Variants in SEC16B observed in about 807,000 individuals in gnomAD.
SEC16B encodes SEC16 homolog B, endoplasmic reticulum export factor, also known as protein transport protein Sec16B.
Under a neutral mutation model 141.8 loss-of-function variants are expected in SEC16B, and 115 were observed. The observed-to-expected ratio is 0.81, with a 90% CI of 0.70 to 0.95. SEC16B has a LOEUF of 0.95. Among genes scored for constraint, SEC16B ranks in the 40% least tolerant of loss-of-function variants. The pLI is 0.00. For missense variants in SEC16B, 1,291 were observed against 1,312.3 expected (o/e 0.98, Z 0.25); for synonymous variants, 493 against 492.5 (o/e 1.00, Z -0.01).
chr1:177,968,027 T>A lies in SEC16B; in HGVS notation c.-46A>T, dbSNP rs1471235843. ...CCTGGGTTTTGAGTAAGTTGTGCAGTTATTTTATCTTCCTGCAGACAAAAG... is the reference window on the plus strand; with the variant it reads ...CCTGGGTTTTGAGTAAGTTGTGCAGATATTTTATCTTCCTGCAGACAAAAG... On this transcript the variant is annotated 5_prime_UTR_variant, in exon 2 of 26. Coordinates refer to ENST00000308284, the MANE Select transcript of SEC16B (RefSeq NM_033127.4). 6.6e-7 allele frequency: 1 copy of A among 1,514,006 alleles called. No homozygotes were observed. The highest frequency in any genetic ancestry group is 1.3e-5 in the South Asian group (1 of 77,202). The allele number at this position is 1,514,006 out of a possible 1,614,324, so 93.8% of individuals were successfully genotyped here.
upstream of SEC16B, among the ~76,000 whole-genome samples, chr1:177,972,654 C>T (rs1180508677): frequency 1.3e-5 from 2 of 152,190 alleles, no homozygotes; most frequent in Middle Eastern, 3.2e-3. Context: ...CTTTCCCAGT[C>T]TCCATCCTCC....
At chr1:177,957,663 A>G (rs1652712564) in intron 10 of SEC16B, among the ~76,000 whole-genome samples, 1 of 152,178 alleles carries the variant, frequency 6.6e-6, no homozygotes, top group African/African-American at 2.4e-5. Context: ...GTTACAAACA[A>G]CCCAATTATA....
intron 24 of SEC16B, 64 bp downstream of exon 24, chr1:177,932,426 G>C: frequency 8.0e-7 from 1 of 1,250,472 alleles, no homozygotes; most frequent in Non-Finnish European, 1.1e-6. Context: ...CCACACTGAA[G>C]GTTCAGTCCT....
chr1:177,937,839 C>T (rs1650974510), intron 18 of SEC16B, among the ~76,000 whole-genome samples: 1 of 152,152 alleles, frequency 6.6e-6, no homozygotes, highest in Admixed American at 6.5e-5. Context: ...CCAGCCATGA[C>T]AGGATGGGAG....
Position 177,933,304 on chromosome 1 carries a change from C to A in SEC16B, c.2733G>T (p.Gly911=), listed in dbSNP as rs776995753. The A allele has an allele frequency of 3.1e-6, 5 of 1,601,048 alleles. No individual in the cohort carries two copies. Among genetic ancestry groups the A allele is most frequent in the Non-Finnish European group, 3.4e-6 (4 of 1,173,596 alleles). ...GDGKEHTKSS[G]FGWFSWFRSK... The stretch of plus-strand genomic sequence containing the variant: ...ATCGAAACCAGCTGAACCAGCCAAA[C>A]CCTGAGCTCTGGAAGGGGAAGAGGA... Residue 911 remains glycine (G), a synonymous_variant, in exon 22 of 26, where the codon GGG becomes GGT. Coordinates refer to ENST00000308284, the MANE Select transcript of SEC16B (RefSeq NM_033127.4).
Position 177,937,529 on chromosome 1 carries a change from A to G in SEC16B, c.2204-16T>C. Reference sequence around the variant, plus strand: ...AAAGTGTTTTCTAAGGACGTGGAACAAAGGTAAAGAAGTCAGACCTGAAAT... The same window carrying G: ...AAAGTGTTTTCTAAGGACGTGGAACGAAGGTAAAGAAGTCAGACCTGAAAT... On this transcript the variant is annotated splice_polypyrimidine_tract_variant and intron_variant, in intron 18 of 25. Transcript: ENST00000308284. 2.7e-6 allele frequency: 4 copies of G among 1,495,430 alleles called. No homozygotes were observed. Among genetic ancestry groups the G allele is most frequent in the Non-Finnish European group, 3.6e-6 (4 of 1,121,566 alleles). The allele number at this position is 1,495,430 out of a possible 1,614,324, so 92.6% of individuals were successfully genotyped here.
chr1:177,938,833 C>T (rs1651059605), intron 18 of SEC16B, among the ~76,000 whole-genome samples: 1 of 152,194 alleles, frequency 6.6e-6, no homozygotes. Flanking sequence ...TGGCTCTGTT[C>T]TTAAGGAATC....
intron 1 of SEC16B, among the ~76,000 whole-genome samples, chr1:177,982,897 T>C (rs1437548721): frequency 6.6e-6 from 1 of 152,126 alleles, no homozygotes; most frequent in Non-Finnish European, 1.5e-5. Flanking sequence ...AAAACAGAAA[T>C]AGATATTTAA....
At chr1:177,970,774 T>C (rs1303672081), upstream of SEC16B, among the ~76,000 whole-genome samples, 2 of 152,366 alleles carry the variant, frequency 1.3e-5, no homozygotes, top group South Asian at 4.1e-4. Flanking sequence ...GAAAAGCACA[T>C]GACTACTTCT....
chr1:177,942,141 T>C, intron 15 of SEC16B, 101 bp from the exon 16 acceptor site: 1 of 1,296,640 alleles, frequency 7.7e-7, no homozygotes, highest in Non-Finnish European at 1.0e-6. Flanking sequence ...CAGTTTCCGC[T>C]AACTCTGGCA....
In SEC16B at chr1:177,960,868, C is replaced by A; in HGVS notation, c.859G>T (p.Gly287Ter). The A allele has an allele frequency of 1.2e-6, 2 of 1,602,716 alleles. No homozygotes were observed. The highest frequency in any genetic ancestry group is 1.7e-6 in the Non-Finnish European group (2 of 1,172,720). ...GGACCTACATGCACCAGCTGACCTC[C>A]TGGCCCGAAACTCACAGGAACATGA... ...IPHVPVSFGPGGQLVHVGPSS... is the reference protein window; with the variant it reads ...IPHVPVSFGP The change falls in exon 7 of 26, where the codon GGA becomes TGA. Residue 287 changes from glycine to a stop codon, truncating the protein, a stop_gained. Transcript: ENST00000308284. LOFTEE classifies it high-confidence loss of function.
chr1:177,938,131 T>C (rs1308055648), intron 18 of SEC16B, among the ~76,000 whole-genome samples: 2 of 152,122 alleles, frequency 1.3e-5, no homozygotes, highest in Non-Finnish European at 2.9e-5. Flanking sequence ...TACAACTCAT[T>C]CCATTCACAA....
At chr1:177,954,896 C>T (rs200692933) in intron 10 of SEC16B, among the ~76,000 whole-genome samples, 17 of 151,632 alleles carry the variant, frequency 1.1e-4, no homozygotes, top group East Asian at 5.8e-4. Context: ...AAAATAAAAG[C>T]GTCATATACA....
Position 177,937,073 on chromosome 1 carries a change from G to C in SEC16B, c.2503+141C>G. On this transcript the variant is annotated intron_variant, in intron 19 of 25. Transcript: ENST00000308284. ...GTGGCTGAAAACTAGCAGGCCCTCC[G>C]TAACGGGCACACATCCACGCATCTG... 3 of 905,770 alleles carry C rather than the reference G, an allele frequency of 3.3e-6. No homozygotes were observed. The South Asian group carries it at 5.4e-5, about 16-fold the overall frequency. The allele number at this position is 905,770 out of a possible 1,614,324, so 56.1% of individuals were successfully genotyped here.
chr1:177,941,971 C>G lies in SEC16B; in HGVS notation c.1951G>C (p.Glu651Gln). Reference protein sequence around the residue: ...GLVSQALHYCEAIGAAVLSQG... With the variant: ...GLVSQALHYCQAIGAAVLSQG... Reference sequence around the variant, plus strand: ...CTCAAGACAGCTGCACCAATGGCTTCGCAGTAATGCAAAGCCTGGGACACG... The same window carrying G: ...CTCAAGACAGCTGCACCAATGGCTTGGCAGTAATGCAAAGCCTGGGACACG... The change falls in exon 16 of 26, where the codon GAA (glutamate) becomes CAA (glutamine). Residue 651 changes from glutamate (E) to glutamine (Q), a missense_variant. Physicochemically the swap from Glu to Gln is conservative, Grantham distance 29. This residue lies in a region of SEC16B where 605 missense variants were observed against 614.1 expected (regional missense o/e 0.99). Coordinates refer to ENST00000308284, the MANE Select transcript of SEC16B (RefSeq NM_033127.4). 3 of 1,613,838 alleles carry G rather than the reference C, an allele frequency of 1.9e-6. No individual in the cohort carries two copies. The highest frequency in any genetic ancestry group is 2.5e-6 in the Non-Finnish European group (3 of 1,179,784).
chr1:177,960,485 A>T, intron 7 of SEC16B, 82 bp from the exon 8 acceptor site: 1 of 980,014 alleles, frequency 1.0e-6, no homozygotes, highest in South Asian at 1.4e-5. Flanking sequence ...TCAGACCCCA[A>T]GGCCGTGGGG....
At chr1:177,946,227 G>A (rs922787543) in intron 14 of SEC16B, 193 bp downstream of exon 14, 13 of 644,278 alleles carry the variant, frequency 2.0e-5, no homozygotes, top group Non-Finnish European at 3.1e-5. Flanking sequence ...TGAGGCCCCC[G>A]CCAATGCTGT....
rs778603806 is a variant in SEC16B, at chr1:177,960,957, C to G, written c.788-18G>C. The G allele has an allele frequency of 2.5e-6, 4 of 1,613,032 alleles. No individual in the cohort carries two copies. The highest frequency in any genetic ancestry group is 3.4e-6 in the Non-Finnish European group (4 of 1,179,392). On this transcript the variant is annotated intron_variant, in intron 6 of 25. Transcript: ENST00000308284. ...GGAGACATCTTCTGACCAACAGACACAGATGGACATTGTTAGCGTTACTTC... is the reference window on the plus strand; with the variant it reads ...GGAGACATCTTCTGACCAACAGACAGAGATGGACATTGTTAGCGTTACTTC...
intron 12 of SEC16B, among the ~76,000 whole-genome samples, chr1:177,948,170 CACAGGGATATT>C (rs1288631314): frequency 1.3e-5 from 2 of 152,148 alleles, no homozygotes; most frequent in Non-Finnish European, 2.9e-5. Context: ...TACATACATT[CACAGGGATATT>C]GGAAAATGGA....
Sources: allele counts gnomAD v4.1 joint callset (sites outside exome capture counted in the v4.1 genomes callset), GRCh38; gene constraint gnomAD v4.1.1; regional missense constraint gnomAD v4.1.1; transcripts MANE v1.5; gene names NCBI Gene and HGNC (gene_info 2026-07-23, HGNC 2026-07-21).